Variants in FGF9 observed in about 807,000 individuals in gnomAD.
FGF9 encodes the protein fibroblast growth factor 9 (glia-activating factor).
A neutral mutation model predicts 19.9 loss-of-function variants in FGF9; 3 were observed. That is an observed-to-expected ratio of 0.15 (90% CI 0.07 to 0.39). FGF9 has a LOEUF of 0.39. Ranked by LOEUF, FGF9 falls within the 10% of genes least tolerant of loss-of-function variation. The probability of loss-of-function intolerance (pLI) is 1.00; values close to 1 mark genes in which losing one functional copy is unlikely to be tolerated. For missense variants in FGF9, 175 were observed against 256.8 expected (o/e 0.68, Z 2.18); for synonymous variants, 107 against 106.9 (o/e 1.00, Z -0.01).
At chr13:21,690,500 C>T (rs918179028) in intron 2 of FGF9, among the ~76,000 whole-genome samples, 2 of 152,172 alleles carry the variant, frequency 1.3e-5, no homozygotes, top group African/African-American at 4.8e-5. Flanking sequence ...TTTTCTTTCC[C>T]AAAGTCAACA....
At chr13:21,696,704 T>A (rs1872417853) in intron 2 of FGF9, among the ~76,000 whole-genome samples, 1 of 152,208 alleles carries the variant, frequency 6.6e-6, no homozygotes, top group Non-Finnish European at 1.5e-5. Flanking sequence ...CATTTACTTA[T>A]TTTTTATTTA....
At position 21,671,305 on chromosome 13, in the gene FGF9, G is replaced by GTTT. The variant is rs1194152163; in HGVS notation, c.-606_-604dup. On this transcript the variant is annotated 5_prime_UTR_variant, in exon 1 of 3. Coordinates refer to ENST00000382353, the MANE Select transcript of FGF9 (RefSeq NM_002010.3). Reference sequence around the variant, plus strand: ...ACGCCTAAAGTTTCTTCTTCTTTTTGTTTTATTATTATTATCATTTTTTGG... The same window carrying GTTT: ...ACGCCTAAAGTTTCTTCTTCTTTTTGTTTTTTTATTATTATTATCATTTTTTGG... The GTTT allele has an allele frequency of 1.4e-5, 5 of 360,388 alleles. No homozygotes were observed. Among genetic ancestry groups the GTTT allele is most frequent in the Non-Finnish European group, 1.5e-5 (3 of 203,556 alleles). 22.3% of individuals were successfully genotyped at this position (360,388 alleles called of 1,614,324 possible). A position where few individuals can be genotyped will look rare whatever the true frequency, so the allele number is the denominator to read the frequency against.
At chr13:21,686,761 C>T (rs745370034) in intron 2 of FGF9, among the ~76,000 whole-genome samples, 11 of 152,186 alleles carry the variant, frequency 7.2e-5, no homozygotes, top group Non-Finnish European at 1.5e-4. Context: ...TTATTCACTC[C>T]GTCATGAACA....
At position 21,671,595 on chromosome 13, in the gene FGF9, T is replaced by G. The variant is rs969021377; in HGVS notation, c.-318T>G. 2 of 501,752 alleles carry G rather than the reference T, an allele frequency of 4.0e-6. No homozygotes were observed. The highest frequency in any genetic ancestry group is 7.0e-6 in the Non-Finnish European group (2 of 286,454). 31.1% of individuals were successfully genotyped at this position (501,752 alleles called of 1,614,324 possible). ...ATTTTTTTTCCTTATTACGGTCGGA[T>G]GGGATGAAGACCTTCCTGCCTGCTA... On this transcript the variant is annotated 5_prime_UTR_variant, in exon 1 of 3. It removes an upstream start codon present in the reference 5' UTR. Coordinates refer to ENST00000382353, the MANE Select transcript of FGF9 (RefSeq NM_002010.3).
intron 2 of FGF9, among the ~76,000 whole-genome samples, chr13:21,696,359 A>G (rs1171968169): frequency 6.6e-6 from 1 of 152,230 alleles, no homozygotes; most frequent in Non-Finnish European, 1.5e-5. Flanking sequence ...CATGGACTTT[A>G]GTAGACTTTT....
chr13:21,675,519 G>T (rs1651936274), intron 1 of FGF9, among the ~76,000 whole-genome samples: 1 of 151,944 alleles, frequency 6.6e-6, no homozygotes, highest in South Asian at 2.1e-4. Flanking sequence ...GGGGGCTGCG[G>T]TGCCCCGGCT....
intron 1 of FGF9, among the ~76,000 whole-genome samples, chr13:21,678,009 T>C (rs532300525): frequency 4.6e-5 from 7 of 152,356 alleles, no homozygotes; most frequent in African/African-American, 1.2e-4. Flanking sequence ...ACTGTTGTTA[T>C]ATTTATCTGT....
At chr13:21,693,251 G>A (rs373716529) in intron 2 of FGF9, among the ~76,000 whole-genome samples, 10 of 152,300 alleles carry the variant, frequency 6.6e-5, no homozygotes, top group South Asian at 2.1e-4. Context: ...ATGAGTTCCC[G>A]AGAAATCGGG....
intron 2 of FGF9, among the ~76,000 whole-genome samples, chr13:21,692,679 C>T (rs880717): frequency 0.27 from 41,423 of 152,078 alleles, 6,925 homozygotes; most frequent in East Asian, 0.39. Flanking sequence ...CACATGGTCA[C>T]GCTCCCAAGT....
intron 1 of FGF9, among the ~76,000 whole-genome samples, chr13:21,679,269 G>A (rs1052283712): frequency 6.6e-6 from 1 of 152,126 alleles, no homozygotes; most frequent in Admixed American, 6.5e-5. Context: ...AAAAGAATTA[G>A]GAATGCCCCT....
At chr13:21,677,103 A>G (rs1360419817) in intron 1 of FGF9, among the ~76,000 whole-genome samples, 1 of 152,156 alleles carries the variant, frequency 6.6e-6, no homozygotes, top group East Asian at 1.9e-4. Context: ...GGAACTGTTG[A>G]CTGCTGTGGA....
intron 1 of FGF9, among the ~76,000 whole-genome samples, chr13:21,673,296 A>C (rs1391545074): frequency 2.6e-5 from 4 of 151,944 alleles, no homozygotes; most frequent in Non-Finnish European, 4.4e-5. Flanking sequence ...CTTTAGTGCC[A>C]GATGTTGAAC....
intron 2 of FGF9, among the ~76,000 whole-genome samples, chr13:21,696,759 C>T (rs544863191): frequency 3.2e-4 from 48 of 152,260 alleles, no homozygotes; most frequent in East Asian, 1.5e-3. Flanking sequence ...AGTATTTTCA[C>T]CTCAACTAAA....
At position 21,703,091 on chromosome 13, in the gene FGF9, A is replaced by C. The variant is rs1565955584; in HGVS notation, c.*1656A>C. On this transcript the variant is annotated 3_prime_UTR_variant, in exon 3 of 3. Transcript: ENST00000382353. ...GAGAAAAGAGCCAAATTCTTAAAGC[A>C]ATATTTAAGAAAAAAGGAATTTATA... 6.6e-6 allele frequency: 1 copy of C among 152,280 alleles called. No individual in the cohort carries two copies. Among genetic ancestry groups the C allele is most frequent in the Non-Finnish European group, 1.5e-5 (1 of 68,054 alleles). 9.4% of individuals were successfully genotyped at this position (152,280 alleles called of 1,614,324 possible).
chr13:21,680,429 G>A (rs1872016344), intron 1 of FGF9, among the ~76,000 whole-genome samples: 1 of 151,806 alleles, frequency 6.6e-6, no homozygotes, highest in Non-Finnish European at 1.5e-5. Context: ...CTTATTTTGA[G>A]AGACTATTCT....
At chr13:21,697,888 G>A (rs955966311) in intron 2 of FGF9, among the ~76,000 whole-genome samples, 1 of 150,776 alleles carries the variant, frequency 6.6e-6, no homozygotes, top group Non-Finnish European at 1.5e-5. Flanking sequence ...CTCACTGCAA[G>A]CTCCGCCCTC....
At chr13:21,697,602 G>A (rs1872438071) in intron 2 of FGF9, among the ~76,000 whole-genome samples, 1 of 151,868 alleles carries the variant, frequency 6.6e-6, no homozygotes, top group Non-Finnish European at 1.5e-5. Flanking sequence ...TTTAAAAGGG[G>A]GGTTTTCGTA....
intron 2 of FGF9, among the ~76,000 whole-genome samples, chr13:21,698,650 A>C (rs773397903): frequency 2.6e-5 from 4 of 152,164 alleles, no homozygotes; most frequent in Non-Finnish European, 5.9e-5. Flanking sequence ...TTTCTGATCC[A>C]AGAAAAACCA....
At chr13:21,681,017 T>G in intron 1 of FGF9, 25 bp from the exon 2 acceptor site, 2 of 1,552,110 alleles carry the variant, frequency 1.3e-6, no homozygotes, top group Non-Finnish European at 1.8e-6. Flanking sequence ...TGATCTGTCC[T>G]CTGCCTTCTA....
Sources: allele counts gnomAD v4.1 joint callset (sites outside exome capture counted in the v4.1 genomes callset), GRCh38; gene constraint gnomAD v4.1.1; transcripts MANE v1.5; gene names NCBI Gene and HGNC (gene_info 2026-07-23, HGNC 2026-07-21).